The following DPP10 variants were observed in gnomAD, a reference collection of about 807,000 sequenced individuals.
DPP10 encodes inactive dipeptidyl peptidase 10.
DPP10 carries 33 observed loss-of-function variants against 120.9 expected under a neutral mutation model. The observed-to-expected ratio is 0.27, with a 90% CI of 0.21 to 0.37. The LOEUF (loss-of-function observed/expected upper bound fraction) is 0.37, where lower values mean the gene tolerates loss of function less well. DPP10 is among the 10% of genes least tolerant of loss of function. The pLI is 1.00. For synonymous variants in DPP10, 337 were observed against 326.1 expected, an observed-to-expected ratio of 1.03 and a Z score of -0.36; for missense variants, 816 against 942.8, an observed-to-expected ratio of 0.87 and a Z score of 1.76.
At chr2:115,266,901 TG>T (rs1441180537) in intron 1 of DPP10, among the ~76,000 whole-genome samples, 1 of 152,144 alleles carries the variant, frequency 6.6e-6, no homozygotes, top group Non-Finnish European at 1.5e-5. Context: ...TTATTCATTT[TG>T]GGGGGGAGAA....
intron 7 of DPP10, among the ~76,000 whole-genome samples, chr2:115,722,026 T>A (rs1019641110): frequency 5.3e-5 from 8 of 152,118 alleles, no homozygotes; most frequent in South Asian, 2.1e-4. Flanking sequence ...ATGATTCCCC[T>A]TTTATGGGGA....
At chr2:114,687,377 G>A (rs562944044) in intron 1 of DPP10, among the ~76,000 whole-genome samples, 1 of 152,078 alleles carries the variant, frequency 6.6e-6, no homozygotes, top group South Asian at 2.1e-4. Context: ...ATGTATCTTA[G>A]AAACATGTTG....
chr2:115,365,972 G>T (rs1212960358), intron 3 of DPP10, among the ~76,000 whole-genome samples: 1 of 151,672 alleles, frequency 6.6e-6, no homozygotes, highest in Non-Finnish European at 1.5e-5. Flanking sequence ...TGAACTTTTT[G>T]ACCTTCTGTA....
chr2:115,018,046 A>G (rs1007085985), intron 1 of DPP10, among the ~76,000 whole-genome samples: 1 of 152,150 alleles, frequency 6.6e-6, no homozygotes, highest in African/African-American at 2.4e-5. Context: ...AAAAGTGGGC[A>G]AAGGATATGA....
At chr2:115,064,753 T>C (rs1490536117) in intron 1 of DPP10, 1 of 1,304,094 alleles carries the variant, frequency 7.7e-7, no homozygotes, top group Admixed American at 2.3e-5. Flanking sequence ...ATAGTCCACT[T>C]AGCAATGGTC....
intron 1 of DPP10, among the ~76,000 whole-genome samples, chr2:114,645,735 C>T (rs1195359578): frequency 6.6e-6 from 1 of 152,120 alleles, no homozygotes; most frequent in Non-Finnish European, 1.5e-5. Flanking sequence ...TGAAGCTTGC[C>T]AAGGCAAGGG....
intron 1 of DPP10, among the ~76,000 whole-genome samples, chr2:114,517,582 T>A (rs1250312259): frequency 6.6e-6 from 1 of 152,140 alleles, no homozygotes; most frequent in African/African-American, 2.4e-5. Context: ...TAAGGAAGTG[T>A]GTAAGACATT....
chr2:114,579,925 G>T (rs1037955576), intron 1 of DPP10, among the ~76,000 whole-genome samples: 10 of 152,176 alleles, frequency 6.6e-5, no homozygotes, highest in Non-Finnish European at 1.3e-4. Context: ...GATGTAGGCA[G>T]CTGTTGCATT....
intron 7 of DPP10, among the ~76,000 whole-genome samples, chr2:115,725,333 A>T (rs114085746): frequency 0.022 from 3,331 of 152,294 alleles, 113 homozygotes; most frequent in African/African-American, 0.076. Context: ...ACTCAAGGAT[A>T]AACTTTGATA....
chr2:115,601,445 T>C lies in DPP10; in HGVS notation c.441+75473T>C, dbSNP rs527938033. Among the ~76,000 whole-genome samples the C allele has an allele frequency of 3.0e-4, 45 of 152,320 alleles. 1 individual carries two copies. The South Asian group carries it at 8.7e-3, about 29-fold the overall frequency. ...AAAGCTATGCCTTTTTCACATCAGATAATGCCAAGTCTGGGATATATTACC... is the reference window on the plus strand; with the variant it reads ...AAAGCTATGCCTTTTTCACATCAGACAATGCCAAGTCTGGGATATATTACC... On this transcript the variant is annotated intron_variant, in intron 5 of 25. Transcript: ENST00000410059.
intron 5 of DPP10, among the ~76,000 whole-genome samples, chr2:115,569,515 A>G (rs1321812520): frequency 6.6e-6 from 1 of 152,244 alleles, no homozygotes; most frequent in African/African-American, 2.4e-5. Flanking sequence ...TTAATACAGA[A>G]TTCATTAATA....
intron 1 of DPP10, among the ~76,000 whole-genome samples, chr2:115,139,066 T>C (rs1002560642): frequency 2.3e-4 from 35 of 152,200 alleles, no homozygotes; most frequent in African/African-American, 7.2e-4. Context: ...CCAAGTATGA[T>C]TGAAATTTAT....
chr2:114,835,614 C>T (rs1402579128), intron 1 of DPP10: 1 of 152,096 alleles, frequency 6.6e-6, no homozygotes, highest in Non-Finnish European at 1.5e-5. Context: ...TCCATTTAAT[C>T]CAATCAGTCT....
At chr2:115,231,034 A>G (rs1176623349) in intron 1 of DPP10, among the ~76,000 whole-genome samples, 2 of 152,068 alleles carry the variant, frequency 1.3e-5, no homozygotes, top group African/African-American at 4.8e-5. Flanking sequence ...AAAAGAAAAA[A>G]AAGAGGAAAG....
intron 5 of DPP10, among the ~76,000 whole-genome samples, chr2:115,637,141 C>G (rs930482298): frequency 2.0e-5 from 3 of 151,672 alleles, no homozygotes; most frequent in African/African-American, 7.3e-5. Context: ...AAAAAAAAAT[C>G]CAGATGTGAA....
intron 1 of DPP10, among the ~76,000 whole-genome samples, chr2:114,585,891 A>G (rs999949402): frequency 7.2e-5 from 11 of 152,224 alleles, no homozygotes; most frequent in African/African-American, 2.4e-4. Flanking sequence ...AAAAGGACAC[A>G]TAGAAAATTG....
chr2:115,502,571 C>T (rs536413921), intron 4 of DPP10, among the ~76,000 whole-genome samples: 5 of 152,138 alleles, frequency 3.3e-5, no homozygotes, highest in South Asian at 2.1e-4. Flanking sequence ...CCAGTGACCA[C>T]GGCTGAAAAT....
chr2:115,577,769 C>G (rs758294090), intron 5 of DPP10, among the ~76,000 whole-genome samples: 3 of 152,052 alleles, frequency 2.0e-5, no homozygotes, highest in Non-Finnish European at 4.4e-5. Flanking sequence ...ATGGTGTTCC[C>G]TTTTTGCAGG....
At chr2:114,845,338 A>T (rs1307502229) in intron 1 of DPP10, among the ~76,000 whole-genome samples, 3 of 152,160 alleles carry the variant, frequency 2.0e-5, no homozygotes, top group Non-Finnish European at 4.4e-5. Context: ...ATGTGGGGAC[A>T]GGGGGTATAT....
Sources: allele counts gnomAD v4.1 joint callset (sites outside exome capture counted in the v4.1 genomes callset), GRCh38; gene constraint gnomAD v4.1.1; transcripts MANE v1.5; gene names NCBI Gene and HGNC (gene_info 2026-07-23, HGNC 2026-07-21).